The following DPH6 variants were observed in gnomAD, a reference collection of about 807,000 sequenced individuals.
DPH6 encodes the protein diphthamine biosynthesis 6.
Under a neutral mutation model 38.2 loss-of-function variants are expected in DPH6, and 33 were observed. The ratio of observed to expected loss-of-function variants is 0.86; its 90% CI spans 0.65 to 1.15. DPH6 has a LOEUF of 1.15. Ranked by LOEUF, DPH6 falls within the 50% of genes most tolerant of loss-of-function variation. The pLI is 0.00. For missense variants in DPH6, 325 were observed against 320.0 expected, an observed-to-expected ratio of 1.02 and a Z score of -0.12; for synonymous variants, 108 against 103.0, an observed-to-expected ratio of 1.05 and a Z score of -0.30.
intron 4 of DPH6, 115 bp from the exon 5 acceptor site, chr15:35,450,918 A>C (rs986733708): frequency 1.4e-5 from 11 of 785,008 alleles, no homozygotes; most frequent in Non-Finnish European, 2.0e-5. Flanking sequence ...TTAGCATTGA[A>C]AATGCTTTTA....
intron 3 of DPH6, among the ~76,000 whole-genome samples, chr15:35,256,869 G>A (rs1395341088): frequency 6.6e-6 from 1 of 152,214 alleles, no homozygotes; most frequent in Non-Finnish European, 1.5e-5. Flanking sequence ...TGTGTAGGAG[G>A]AATACTGGGG....
At chr15:35,250,261 T>C (rs1466120772) in intron 3 of DPH6, among the ~76,000 whole-genome samples, 1 of 152,010 alleles carries the variant, frequency 6.6e-6, no homozygotes, top group African/African-American at 2.4e-5. Context: ...GGCTTAACAT[T>C]TCCAGGTGAC....
intron 6 of DPH6, among the ~76,000 whole-genome samples, chr15:35,397,247 C>T (rs1240331516): frequency 2.6e-5 from 4 of 152,294 alleles, no homozygotes; most frequent in African/African-American, 7.2e-5. Context: ...ACCTTTGACT[C>T]AAGGCTGGAG....
At chr15:35,465,318 A>T (rs2054113970) in intron 3 of DPH6, among the ~76,000 whole-genome samples, 1 of 152,224 alleles carries the variant, frequency 6.6e-6, no homozygotes, top group African/African-American at 2.4e-5. Flanking sequence ...AATACGAACC[A>T]TTCATTAAAG....
the DPH6 span, among the ~76,000 whole-genome samples, chr15:35,146,275 C>T: frequency 3.3e-5 from 5 of 152,156 alleles, no homozygotes; most frequent in South Asian, 2.1e-4. Flanking sequence ...CTTTCAATTG[C>T]GGTTCTTAAA....
chr15:35,320,481 A>G (rs2140843393), intron 3 of DPH6, among the ~76,000 whole-genome samples: 1 of 152,168 alleles, frequency 6.6e-6, no homozygotes, highest in South Asian at 2.1e-4. Context: ...TCAGATTTAG[A>G]TTTCTATATT....
intron 3 of DPH6, among the ~76,000 whole-genome samples, chr15:35,498,922 A>AC (rs1302819335): frequency 1.3e-5 from 2 of 149,708 alleles, no homozygotes; most frequent in Non-Finnish European, 3.0e-5. Flanking sequence ...AGCCTGAGCA[A>AC]CACAGCAAGG....
chr15:35,480,417 A>G (rs1041536187), intron 3 of DPH6, among the ~76,000 whole-genome samples: 1 of 152,110 alleles, frequency 6.6e-6, no homozygotes, highest in African/African-American at 2.4e-5. Context: ...AAGCTTTCCA[A>G]TATTTAATAA....
At chr15:35,297,471 C>T (rs1038832808) in intron 3 of DPH6, among the ~76,000 whole-genome samples, 1 of 152,060 alleles carries the variant, frequency 6.6e-6, no homozygotes, top group African/African-American at 2.4e-5. Context: ...TTCAGAGCAG[C>T]ATTTGTCCCT....
the DPH6 span, among the ~76,000 whole-genome samples, chr15:35,163,688 T>G: frequency 6.6e-6 from 1 of 151,890 alleles, no homozygotes; most frequent in Non-Finnish European, 1.5e-5. Flanking sequence ...GTCAGCACTT[T>G]AAATGAGCAA....
At chr15:35,158,965 C>A in the DPH6 span, among the ~76,000 whole-genome samples, 1 of 152,016 alleles carries the variant, frequency 6.6e-6, no homozygotes, top group African/African-American at 2.4e-5. Context: ...AATAGAGAGA[C>A]ACTCACTGGT....
At chr15:35,262,520 C>G (rs964310539) in intron 3 of DPH6, among the ~76,000 whole-genome samples, 6 of 151,984 alleles carry the variant, frequency 3.9e-5, no homozygotes, top group Non-Finnish European at 7.4e-5. Flanking sequence ...TCCTGGCTAA[C>G]ACGGTGAAAC....
chr15:35,325,062 C>T (rs766135602), intron 3 of DPH6, among the ~76,000 whole-genome samples: 11 of 152,020 alleles, frequency 7.2e-5, no homozygotes, highest in Non-Finnish European at 1.5e-4. Flanking sequence ...ACATTTGGTG[C>T]CCTTGATTTC....
At chr15:35,355,950 T>C (rs2140899226) in intron 3 of DPH6, among the ~76,000 whole-genome samples, 1 of 152,362 alleles carries the variant, frequency 6.6e-6, no homozygotes, top group South Asian at 2.1e-4. Flanking sequence ...TCTTTTCACA[T>C]AGTCCCATAT....
chr15:35,407,422 T>C (rs962622042), intron 6 of DPH6, among the ~76,000 whole-genome samples: 6 of 151,866 alleles, frequency 4.0e-5, no homozygotes, highest in African/African-American at 1.4e-4. Flanking sequence ...TATTCAATAA[T>C]TTAAAAATGA....
At position 35,285,872 on chromosome 15, in the gene DPH6, G is replaced by GT. The variant is rs67243158; in HGVS notation, n.201-65291dup. Among the ~76,000 whole-genome samples, 61 of 52,814 alleles carry GT rather than the reference G, an allele frequency of 1.2e-3. 15 individuals are homozygous for GT. The highest frequency in any genetic ancestry group is 6.6e-3 in the South Asian group (7 of 1,068). 34.6% of individuals were successfully genotyped at this position (52,814 alleles called of 152,430 possible). ...GACTCAATTATCATTTTATCTTTGA[G>GT]TTTTTTTTTTTTTTTTTACCTGAGA... On this transcript the variant is annotated intron_variant and non_coding_transcript_variant, in intron 3 of 3. Coordinates refer to the DPH6 transcript ENST00000560386.
At chr15:35,485,835 C>T (rs1314497236) in intron 3 of DPH6, among the ~76,000 whole-genome samples, 2 of 152,200 alleles carry the variant, frequency 1.3e-5, no homozygotes, top group East Asian at 3.8e-4. Context: ...GCGGTAAACT[C>T]AAAGCTCACA....
chr15:35,232,496 A>C (rs547246728), intron 3 of DPH6, among the ~76,000 whole-genome samples: 1 of 152,172 alleles, frequency 6.6e-6, no homozygotes, highest in East Asian at 1.9e-4. Flanking sequence ...CAGGAAAATC[A>C]TTTGAACCCG....
At chr15:35,473,465 C>CCTTATTAACATAAATAT (rs145479170) in intron 3 of DPH6, among the ~76,000 whole-genome samples, 14,589 of 152,082 alleles carry the variant, frequency 0.096, 947 homozygotes, top group African/African-American at 0.18. Context: ...GCTTCATTCT[C>CCTTATTAACATAAATAT]CTCTTCAAAA....
Sources: gnomAD v4.1 joint callset for allele counts (sites outside exome capture counted in the v4.1 genomes callset) on GRCh38, gnomAD v4.1.1 for gene constraint, MANE v1.5 for transcripts, NCBI Gene and HGNC (gene_info 2026-07-23, HGNC 2026-07-21) for gene names.